RAP1GAP: variants seen among roughly 807,000 people sequenced by gnomAD.
RAP1GAP encodes RAP1 GTPase activating protein, also known as rap1 GTPase-activating protein 1.
A neutral mutation model predicts 87.2 loss-of-function variants in RAP1GAP; 35 were observed. The observed-to-expected ratio is 0.40, with a 90% CI of 0.31 to 0.53. RAP1GAP has a LOEUF of 0.53. Among genes scored for constraint, RAP1GAP ranks in the 20% least tolerant of loss-of-function variants. The pLI is 0.48. For missense variants in RAP1GAP, 734 were observed against 898.9 expected (o/e 0.82, Z 2.35); for synonymous variants, 375 against 363.9 (o/e 1.03, Z -0.35).
In RAP1GAP at chr1:21,617,908, G is replaced by A. The variant is rs1772711; in HGVS notation, c.105+26C>T. The A allele has an allele frequency of 0.01, 16,803 of 1,613,996 alleles. 1,428 individuals carry two copies. The African/African-American group carries it at 0.19, about 18-fold the overall frequency. ...AAGTGCCTCCTGGGCTTGAGTAAGG[G>A]TGGGCGCGGGGTTCTAGCTGAGTAC... is the stretch of plus-strand genomic sequence containing the variant. On this transcript the variant is annotated intron_variant, in intron 6 of 24. Transcript: ENST00000374765.
chr1:21,647,288 T>C (rs1459869540), intron 2 of RAP1GAP, among the ~76,000 whole-genome samples: 2 of 152,024 alleles, frequency 1.3e-5, no homozygotes, highest in African/African-American at 2.4e-5. Flanking sequence ...TGGTGAGACC[T>C]TGTCTCTACT....
At chr1:21,640,653 G>A (rs1398845952) in intron 2 of RAP1GAP, among the ~76,000 whole-genome samples, 1 of 152,226 alleles carries the variant, frequency 6.6e-6, no homozygotes, top group East Asian at 1.9e-4. Flanking sequence ...GGTGAGGGGA[G>A]AACAAGCAGC....
At position 21,609,681 on chromosome 1, in the gene RAP1GAP, C is replaced by T. The variant is rs201718797; in HGVS notation, c.1000-35G>A. 1.3e-6 allele frequency: 2 copies of T among 1,501,636 alleles called. No homozygotes were observed. Among genetic ancestry groups the T allele is most frequent in the African/African-American group, 1.4e-5 (1 of 71,356 alleles). The allele number at this position is 1,501,636 out of a possible 1,614,324, so 93.0% of individuals were successfully genotyped here. A position where few individuals can be genotyped will look rare whatever the true frequency, so the allele number is the denominator to read the frequency against. The stretch of plus-strand genomic sequence containing the variant: ...AGGGCAGCTGTCTGTTCCTGTGGAG[C>T]CTGGGGTCTGCTCTGCCCCACCCAG... On this transcript the variant is annotated intron_variant, in intron 14 of 24. Coordinates refer to ENST00000374765, the MANE Select transcript of RAP1GAP (RefSeq NM_002885.4). This position sits in a 1 kb window ranked among gnomAD's most constrained non-coding sequence, Gnocchi z 4.4.
At chr1:21,604,656 C>T (rs1445724146) in intron 18 of RAP1GAP, among the ~76,000 whole-genome samples, 1 of 151,982 alleles carries the variant, frequency 6.6e-6, no homozygotes, top group Non-Finnish European at 1.5e-5. Flanking sequence ...GCCTGCTCCT[C>T]GCATGACAGT....
chr1:21,613,136 T>A lies in RAP1GAP; in HGVS notation c.528+40A>T, dbSNP rs755688706. On this transcript the variant is annotated intron_variant, in intron 10 of 24. Coordinates refer to ENST00000374765, the MANE Select transcript of RAP1GAP (RefSeq NM_002885.4). The surrounding 1 kb of genome is among the most constrained non-coding windows in gnomAD (Gnocchi z 4.7). The stretch of plus-strand genomic sequence containing the variant: ...AATAAATGCTCAGTCTTCCAGTTAC[T>A]CACCCACCCTCAGTGAGCTGTGCCC... 10 of 1,519,940 alleles carry A rather than the reference T, an allele frequency of 6.6e-6. No homozygotes were observed. The highest frequency in any genetic ancestry group is 8.2e-6 in the Non-Finnish European group (9 of 1,094,544). The allele number at this position is 1,519,940 out of a possible 1,614,324, so 94.2% of individuals were successfully genotyped here.
intron 3 of RAP1GAP, among the ~76,000 whole-genome samples, chr1:21,625,134 G>A (rs184919992): frequency 5.9e-5 from 9 of 152,282 alleles, no homozygotes; most frequent in Non-Finnish European, 8.8e-5. Context: ...GCAGCCCCAC[G>A]TGGCACCCCC....
At chr1:21,642,288 C>A (rs780582209) in intron 2 of RAP1GAP, among the ~76,000 whole-genome samples, 1 of 152,270 alleles carries the variant, frequency 6.6e-6, no homozygotes, top group African/African-American at 2.4e-5. Flanking sequence ...CAGCAGGTAA[C>A]CATGACCGCG....
At chr1:21,605,045 A>G (rs2073367131) in intron 18 of RAP1GAP, among the ~76,000 whole-genome samples, 2 of 138,594 alleles carry the variant, frequency 1.4e-5, no homozygotes, top group African/African-American at 2.6e-5. Flanking sequence ...GGGTGGATGG[A>G]TGGATGGGTG....
rs2097432927 is a variant in RAP1GAP at position 21,668,079 on chromosome 1, T to C, written c.-149+1175A>G. ...CCCATTCAGGGACACCTTTGGCCAA[T>C]GTTCTGTTTCATCTGCGAGGCAACC... On this transcript the variant is annotated intron_variant, in intron 1 of 24. Coordinates refer to ENST00000374765, the MANE Select transcript of RAP1GAP (RefSeq NM_002885.4). This position sits in a 1 kb window ranked among gnomAD's most constrained non-coding sequence, Gnocchi z 6.2. 6.6e-6 allele frequency among the ~76,000 whole-genome samples: 1 copy of C among 152,150 alleles called. No homozygotes were observed. The highest frequency in any genetic ancestry group is 6.5e-5 in the Admixed American group (1 of 15,288).
chr1:21,599,386 C>G, intron 21 of RAP1GAP, 108 bp downstream of exon 21: 2 of 1,471,546 alleles, frequency 1.4e-6, no homozygotes, highest in Non-Finnish European at 1.8e-6. Flanking sequence ...GTCCCCTGAT[C>G]ACATCTCAGC....
intron 1 of RAP1GAP, among the ~76,000 whole-genome samples, chr1:21,666,928 C>T (rs1025759111): frequency 6.6e-5 from 10 of 152,162 alleles, no homozygotes; most frequent in African/African-American, 1.9e-4. Flanking sequence ...TGTGTACACA[C>T]GTGCCAGCAT....
At chr1:21,601,660 G>C (rs1303599528) in intron 20 of RAP1GAP, 24 bp downstream of exon 20, 4 of 1,551,830 alleles carry the variant, frequency 2.6e-6, no homozygotes, top group East Asian at 4.5e-5. Context: ...AAGCCCCCAA[G>C]CCCCACGTGC....
In RAP1GAP at chr1:21,606,199, TGTGAAGGGGGTGGCA is replaced by T. The variant is rs1226447852; in HGVS notation, c.1297-17_1297-3del. The T allele has an allele frequency of 6.3e-7, 1 of 1,577,900 alleles. No homozygotes were observed. Among genetic ancestry groups the T allele is most frequent in the Non-Finnish European group, 8.6e-7 (1 of 1,163,266 alleles). On this transcript the variant is annotated splice_polypyrimidine_tract_variant and splice_region_variant and intron_variant, in intron 17 of 24. Transcript: ENST00000374765. ...CTGGCTGCGGCTCCGGATGACCCGC[TGTGAAGGGGGTGGCA>T]GTGGAGGAGGCACAGGATTCCTAAG...
intron 2 of RAP1GAP, 120 bp downstream of exon 2, chr1:21,649,641 G>C (rs2096398110): frequency 8.3e-7 from 1 of 1,210,830 alleles, no homozygotes; most frequent in Non-Finnish European, 1.2e-6. Flanking sequence ...CTTGCCCTGA[G>C]AGGATGGTTG....
chr1:21,634,828 A>T lies in RAP1GAP; in HGVS notation c.-112-8431T>A. 2.6e-6 allele frequency: 1 copy of T among 387,418 alleles called. No homozygotes were observed. The highest frequency in any genetic ancestry group is 5.5e-6 in the Non-Finnish European group (1 of 182,402). The allele number at this position is 387,418 out of a possible 1,614,324, so 24.0% of individuals were successfully genotyped here. On this transcript the variant is annotated intron_variant, in intron 2 of 24. Coordinates refer to ENST00000374765, the MANE Select transcript of RAP1GAP (RefSeq NM_002885.4). The surrounding 1 kb of genome is among the most constrained non-coding windows in gnomAD (Gnocchi z 4.1). ...TGAGCCCCACTGTGGCCAAAACCTG[A>T]CCCTTCCCACCCCACCGAGGACTTC...
chr1:21,643,334 C>A (rs571612618), intron 2 of RAP1GAP, among the ~76,000 whole-genome samples: 3 of 151,964 alleles, frequency 2.0e-5, no homozygotes, highest in Non-Finnish European at 4.4e-5. Context: ...CCGAGACGGG[C>A]GGATCATGAG....
rs188219392 is a variant in RAP1GAP, at chr1:21,665,657, C to T, written c.-149+3597G>A. On this transcript the variant is annotated intron_variant, in intron 1 of 24. Transcript: ENST00000374765. The stretch of plus-strand genomic sequence containing the variant: ...CCTCTCTGAGTCACCACCTGCCTGA[C>T]AGTGCTGGTCTTTAGCCCTAAATAT... Among the ~76,000 whole-genome samples the T allele has an allele frequency of 1.1e-3, 170 of 152,370 alleles. 1 individual carries two copies. Among genetic ancestry groups the T allele is most frequent in the Admixed American group, 3.1e-3 (47 of 15,304 alleles).
rs1333016395 is a variant in RAP1GAP at position 21,599,519 on chromosome 1, C to A, written c.1751G>T (p.Gly584Val). ...CAGGCCTGTGTCCTCTCCGTCCACACCCTCCGTCTCCTCCACCACGCTGGC... is the reference window on the plus strand; with the variant it reads ...CAGGCCTGTGTCCTCTCCGTCCACAACCTCCGTCTCCTCCACCACGCTGGC... ...SFASVVEETE[G>V]VDGEDTGLES... The change falls in exon 21 of 25, where the codon GGT becomes GTT. Residue 584 changes from glycine (G) to valine (V), a missense_variant. Around this residue, in one of 2 missense-constraint regions of RAP1GAP, gnomAD observed 249 missense variants for 252.7 expected, o/e 0.99. Coordinates refer to ENST00000374765, the MANE Select transcript of RAP1GAP (RefSeq NM_002885.4). The A allele has an allele frequency of 2.5e-6, 4 of 1,609,456 alleles. No homozygotes were observed. In the African/African-American group the frequency reaches 4.0e-5, roughly 16 times the overall value.
intron 20 of RAP1GAP, among the ~76,000 whole-genome samples, chr1:21,600,486 C>T (rs538033544): frequency 6.6e-6 from 1 of 152,324 alleles, no homozygotes; most frequent in Admixed American, 6.5e-5. Context: ...CTGCTTCCAT[C>T]CCACCCCACT....
Sources: allele counts gnomAD v4.1 joint callset (sites outside exome capture counted in the v4.1 genomes callset), GRCh38; gene constraint gnomAD v4.1.1; regional missense constraint gnomAD v4.1.1; non-coding constraint Gnocchi (gnomAD v3.1); transcripts MANE v1.5; gene names NCBI Gene and HGNC (gene_info 2026-07-23, HGNC 2026-07-21).